Variants in FBXO22 observed in about 807,000 individuals in gnomAD.
FBXO22 encodes F-box only protein 22.
FBXO22 carries 13 observed loss-of-function variants against 37.2 expected under a neutral mutation model. The ratio of observed to expected loss-of-function variants is 0.35; its 90% CI spans 0.23 to 0.56. The LOEUF is 0.56. FBXO22 is among the 20% of genes least tolerant of loss of function. The pLI, the probability that FBXO22 is intolerant of heterozygous loss-of-function variation, is 0.87. For missense variants in FBXO22, 446 were observed against 509.9 expected (o/e 0.87, Z 1.21); for synonymous variants, 189 against 189.1 (o/e 1.00, Z 0.00).
chr15:75,909,494 G>T (rs1453141762), intron 2 of FBXO22, among the ~76,000 whole-genome samples: 1 of 152,198 alleles, frequency 6.6e-6, no homozygotes, highest in African/African-American at 2.4e-5. Flanking sequence ...GATACAGCCT[G>T]TATACCTTCC....
At chr15:75,917,967 G>T (rs1900225191) in intron 5 of FBXO22, among the ~76,000 whole-genome samples, 1 of 152,100 alleles carries the variant, frequency 6.6e-6, no homozygotes, top group African/African-American at 2.4e-5. Flanking sequence ...AGAGGTAAAG[G>T]GTTGGCTTAA....
intron 2 of FBXO22, among the ~76,000 whole-genome samples, chr15:75,910,607 A>G (rs1900031517): frequency 6.6e-6 from 1 of 151,920 alleles, no homozygotes; most frequent in African/African-American, 2.4e-5. Flanking sequence ...CCACTTTTTG[A>G]TGGGGTTGTT....
rs560466641 is a variant in FBXO22, at chr15:75,936,109, C to G, written c.*3007C>G. 1.3e-5 allele frequency: 2 copies of G among 152,234 alleles called. No individual in the cohort carries two copies. The highest frequency in any genetic ancestry group is 4.8e-5 in the African/African-American group (2 of 41,548). The allele number at this position is 152,234 out of a possible 1,614,324, so 9.4% of individuals were successfully genotyped here. ...GCCACAAATCTGAGAACTTTCTATG[C>G]AATCTGCAGAAATTTTTAAGAATAT... On this transcript the variant is annotated 3_prime_UTR_variant, in exon 7 of 7. Transcript: ENST00000308275.
rs372091749 is a variant in FBXO22 at position 75,929,674 on chromosome 15, CATA to C, written c.629-207_629-205del. Among the ~76,000 whole-genome samples the C allele has an allele frequency of 4.0e-4, 61 of 151,766 alleles. No homozygotes were observed. In the East Asian group the frequency reaches 8.9e-3, roughly 22 times the overall value. On this transcript the variant is annotated intron_variant, in intron 5 of 6. Coordinates refer to ENST00000308275, the MANE Select transcript of FBXO22 (RefSeq NM_147188.3). The stretch of plus-strand genomic sequence containing the variant: ...AATAGAAAAAATAATTAAGATTTTG[CATA>C]ATGTTTGTAAAAAATGGAAAACTTG...
intron 2 of FBXO22, among the ~76,000 whole-genome samples, chr15:75,907,978 C>T (rs929289052): frequency 1.3e-5 from 2 of 151,892 alleles, no homozygotes; most frequent in Non-Finnish European, 2.9e-5. Flanking sequence ...CCACCAAAAG[C>T]TTTATAAAAC....
intron 2 of FBXO22, among the ~76,000 whole-genome samples, chr15:75,904,914 C>T (rs1019390796): frequency 4.0e-5 from 6 of 151,304 alleles, no homozygotes; most frequent in Non-Finnish European, 7.4e-5. Context: ...AGCTCCGCCT[C>T]CCGGGTTCAC....
At chr15:75,916,273 A>G (rs577762314) in intron 4 of FBXO22, among the ~76,000 whole-genome samples, 5 of 152,264 alleles carry the variant, frequency 3.3e-5, no homozygotes, top group Admixed American at 6.5e-5. Context: ...GTGTTAGTCT[A>G]CTAGGGCTAC....
chr15:75,906,439 TTCTA>T (rs1319105076), intron 2 of FBXO22, among the ~76,000 whole-genome samples: 6 of 152,138 alleles, frequency 3.9e-5, no homozygotes, highest in Admixed American at 6.5e-5. Context: ...ACAATTATAT[TTCTA>T]TATATATGTG....
chr15:75,930,340 G>A, intron 6 of FBXO22: 1 of 1,301,752 alleles, frequency 7.7e-7, no homozygotes, highest in African/African-American at 1.5e-5. Flanking sequence ...TACTCTGTGT[G>A]ACCTCAATGT....
intron 6 of FBXO22, 136 bp downstream of exon 6, chr15:75,930,185 C>T (rs1434512455): frequency 9.3e-6 from 14 of 1,502,924 alleles, no homozygotes; most frequent in East Asian, 2.4e-5. Flanking sequence ...TTGTAGTAGA[C>T]ATTGGCTAAG....
intron 2 of FBXO22, among the ~76,000 whole-genome samples, chr15:75,911,048 A>C (rs1444128409): frequency 6.6e-6 from 1 of 152,188 alleles, no homozygotes; most frequent in Admixed American, 6.5e-5. Context: ...TGTTTTTGTC[A>C]GAGTTGTCAA....
At chr15:75,919,809 C>T in intron 5 of FBXO22, among the ~76,000 whole-genome samples, 1 of 152,164 alleles carries the variant, frequency 6.6e-6, no homozygotes, top group East Asian at 1.9e-4. Flanking sequence ...GCCAGAGGAG[C>T]ATACATGTGT....
chr15:75,909,464 A>G (rs1156949885), intron 2 of FBXO22, among the ~76,000 whole-genome samples: 1 of 152,190 alleles, frequency 6.6e-6, no homozygotes, highest in African/African-American at 2.4e-5. Flanking sequence ...ATTTGATTTG[A>G]TAAGCAGTGA....
intron 3 of FBXO22, 33 bp from the exon 4 acceptor site, chr15:75,914,077 G>T: frequency 6.9e-7 from 1 of 1,459,328 alleles, no homozygotes; most frequent in Non-Finnish European, 9.5e-7. Context: ...TTAAATGGAT[G>T]ATATTTATCA....
intron 5 of FBXO22, among the ~76,000 whole-genome samples, chr15:75,923,781 A>G (rs1265613811): frequency 6.6e-6 from 1 of 152,208 alleles, no homozygotes; most frequent in Admixed American, 6.5e-5. Flanking sequence ...TTTAAAAAGT[A>G]TATGCAGGAG....
In FBXO22 at chr15:75,932,703, T is replaced by C. The variant is rs1426609097; in HGVS notation, c.813T>C (p.Asp271=). 1 of 1,597,578 alleles carries C rather than the reference T, an allele frequency of 6.3e-7. No homozygotes were observed. Among genetic ancestry groups the C allele is most frequent in the African/African-American group, 1.3e-5 (1 of 74,160 alleles). ...TTTCCAGGAACCCTCTGGATATTGA[T>C]GCCTCGGGTGTGGTTGGACTGTCAT... The part of the protein sequence containing the change: ...LTSEKNPLDI[D]ASGVVGLSFS... Residue 271 remains aspartate (D), a synonymous_variant, in exon 7 of 7, where the codon GAT becomes GAC. Transcript: ENST00000308275.
intron 5 of FBXO22, among the ~76,000 whole-genome samples, chr15:75,928,872 A>G (rs2029902061): frequency 6.6e-6 from 1 of 152,208 alleles, no homozygotes; most frequent in African/African-American, 2.4e-5. Flanking sequence ...CCTGTGTCAC[A>G]GAATTGAACA....
intron 2 of FBXO22, among the ~76,000 whole-genome samples, chr15:75,910,114 T>C (rs1900021594): frequency 6.6e-6 from 1 of 152,240 alleles, no homozygotes; most frequent in South Asian, 2.1e-4. Flanking sequence ...TTTCTATGGC[T>C]GCATAGTGTT....
intron 2 of FBXO22, among the ~76,000 whole-genome samples, chr15:75,905,993 AATTC>A (rs1899921351): frequency 6.6e-6 from 1 of 152,132 alleles, no homozygotes; most frequent in Admixed American, 6.5e-5. Context: ...ATCGTGTTTC[AATTC>A]ATTTATTTAT....
Sources: gnomAD v4.1 joint callset for allele counts (sites outside exome capture counted in the v4.1 genomes callset) on GRCh38, gnomAD v4.1.1 for gene constraint, MANE v1.5 for transcripts, NCBI Gene and HGNC (gene_info 2026-07-23, HGNC 2026-07-21) for gene names.